Variants in SCN9A observed in about 807,000 individuals in gnomAD.
The protein encoded by SCN9A is sodium channel protein type 9 subunit alpha.
Under a neutral mutation model 187.0 loss-of-function variants are expected in SCN9A, and 131 were observed. The observed-to-expected ratio is 0.70, with a 90% CI of 0.61 to 0.81. The LOEUF (loss-of-function observed/expected upper bound fraction) is 0.81, where lower values mean the gene tolerates loss of function less well. Among genes scored for constraint, SCN9A ranks in the 30% least tolerant of loss-of-function variants. The pLI is 0.00. For synonymous variants in SCN9A, 809 were observed against 808.6 expected (o/e 1.00, Z -0.01); for missense variants, 2,252 against 2,396.6 (o/e 0.94, Z 1.26).
At chr2:166,222,446 G>A (rs1694628613) in intron 24 of SCN9A, among the ~76,000 whole-genome samples, 1 of 151,916 alleles carries the variant, frequency 6.6e-6, no homozygotes, top group African/African-American at 2.4e-5. Flanking sequence ...TGGCCAAAAT[G>A]GTGAAACTCC....
At chr2:166,285,996 A>T (rs1369018452) in intron 11 of SCN9A, among the ~76,000 whole-genome samples, 1 of 152,200 alleles carries the variant, frequency 6.6e-6, no homozygotes, top group African/African-American at 2.4e-5. Context: ...CCAATGAAGC[A>T]TTACAAAACA....
intron 24 of SCN9A, among the ~76,000 whole-genome samples, chr2:166,206,049 C>CTT (rs1178835441): frequency 6.6e-6 from 1 of 152,130 alleles, no homozygotes. Context: ...AATAGCAACG[C>CTT]TTTTACACTG....
rs747729984 is a variant in SCN9A, at chr2:166,233,474, AC to A, written c.3802-13del. The A allele has an allele frequency of 1.3e-4, 206 of 1,554,526 alleles. No individual in the cohort carries two copies. The highest frequency in any genetic ancestry group is 1.7e-4 in the Non-Finnish European group (195 of 1,159,550). On this transcript the variant is annotated splice_polypyrimidine_tract_variant and intron_variant, in intron 20 of 26. Coordinates refer to ENST00000642356, the MANE Select transcript of SCN9A (RefSeq NM_001365536.1). ...GTAACCAAAGAAACCTATAAAAATAACATTTTCATTAATTGTGTCAATAAAA... is the reference window on the plus strand; with the variant it reads ...GTAACCAAAGAAACCTATAAAAATAAATTTTCATTAATTGTGTCAATAAAA...
chr2:166,333,048 A>G (rs1040549473), intron 1 of SCN9A, among the ~76,000 whole-genome samples: 1 of 151,666 alleles, frequency 6.6e-6, no homozygotes, highest in Non-Finnish European at 1.5e-5. Flanking sequence ...AGTATAATAA[A>G]GTTATTAAAT....
intron 16 of SCN9A, 22 bp from the exon 17 acceptor site, chr2:166,272,897 G>A (rs751570350): frequency 2.6e-6 from 3 of 1,173,030 alleles, no homozygotes; most frequent in Middle Eastern, 2.1e-4. Flanking sequence ...TGGGGAGAGG[G>A]GGTAGAGAAA....
At position 166,247,691 on chromosome 2, in the gene SCN9A, A is replaced by G. The variant is rs1419867086; in HGVS notation, c.3472+4074T>C. On this transcript the variant is annotated intron_variant, in intron 18 of 26. Coordinates refer to ENST00000642356, the MANE Select transcript of SCN9A (RefSeq NM_001365536.1). ...ACCACCAGGCTCAGCTAATTTTTGT[A>G]TTTTTAGTAGAAACGGGATTTCACC... Among the ~76,000 whole-genome samples the G allele has an allele frequency of 2.0e-5, 3 of 151,998 alleles. No individual in the cohort carries two copies. The East Asian group carries it at 5.8e-4, about 29-fold the overall frequency.
At chr2:166,336,353 A>G (rs569424535) in intron 1 of SCN9A, among the ~76,000 whole-genome samples, 6 of 152,264 alleles carry the variant, frequency 3.9e-5, no homozygotes, top group African/African-American at 1.4e-4. Flanking sequence ...GTCTTGACAA[A>G]GCCAATAAAG....
At chr2:166,209,110 C>G (rs1693957717) in intron 24 of SCN9A, among the ~76,000 whole-genome samples, 1 of 152,164 alleles carries the variant, frequency 6.6e-6, no homozygotes, top group Non-Finnish European at 1.5e-5. Flanking sequence ...TTGAGAGACT[C>G]TCAGTATCTC....
intron 5 of SCN9A, 110 bp downstream of exon 5, chr2:166,305,682 C>T: frequency 1.4e-6 from 2 of 1,417,020 alleles, no homozygotes; most frequent in Non-Finnish European, 9.7e-7. Flanking sequence ...CCTTTAAATA[C>T]AGACATTCCA....
In SCN9A at chr2:166,284,370, C is replaced by T. The variant is rs1345037088; in HGVS notation, c.1974+83G>A. ...GCAAAATGCAGAGCCATTCACAAGA[C>T]CAGAGAAGGCCCTTCAGCAGAGAGA... On this transcript the variant is annotated intron_variant, in intron 12 of 26. Transcript: ENST00000642356. 5 of 1,490,130 alleles carry T rather than the reference C, an allele frequency of 3.4e-6. No individual in the cohort carries two copies. In the South Asian group the frequency reaches 4.8e-5, roughly 14 times the overall value. 92.3% of individuals were successfully genotyped at this position (1,490,130 alleles called of 1,614,324 possible). A position where few individuals can be genotyped will look rare whatever the true frequency, so the allele number is the denominator to read the frequency against.
chr2:166,333,146 T>C (rs1253433030), intron 1 of SCN9A, among the ~76,000 whole-genome samples: 2 of 152,038 alleles, frequency 1.3e-5, no homozygotes, highest in African/African-American at 4.8e-5. Context: ...CAGGTGGAGT[T>C]ACCAGAGTTA....
intron 1 of SCN9A, among the ~76,000 whole-genome samples, chr2:166,341,466 G>T (rs1353510588): frequency 6.6e-6 from 1 of 152,186 alleles, no homozygotes; most frequent in African/African-American, 2.4e-5. Flanking sequence ...TACCGTCTAA[G>T]AAAAGTTAAT....
At chr2:166,364,812 T>C (rs1358625067) in intron 1 of SCN9A, among the ~76,000 whole-genome samples, 1 of 152,208 alleles carries the variant, frequency 6.6e-6, no homozygotes, top group African/African-American at 2.4e-5. Flanking sequence ...TTTGAAATGG[T>C]TAAAATGGTA....
chr2:166,354,227 C>G (rs986311985), intron 1 of SCN9A, among the ~76,000 whole-genome samples: 1 of 152,144 alleles, frequency 6.6e-6, no homozygotes, highest in African/African-American at 2.4e-5. Flanking sequence ...CAATTTCCAT[C>G]CTTTTATGGA....
rs1199169340 is a variant in SCN9A, at chr2:166,310,936, C to T, written c.258+563G>A. Among the ~76,000 whole-genome samples, 11 of 87,568 alleles carry T rather than the reference C, an allele frequency of 1.3e-4. 1 individual carries two copies. In the East Asian group the frequency reaches 2.0e-3, roughly 16 times the overall value. The allele number at this position is 87,568 out of a possible 152,430, so 57.4% of individuals were successfully genotyped here. ...GCAGCCATAAAAAATGATGAGTTCACGTCCTTTGTAGGGACATGGATGCAA... is the reference window on the plus strand; with the variant it reads ...GCAGCCATAAAAAATGATGAGTTCATGTCCTTTGTAGGGACATGGATGCAA... On this transcript the variant is annotated intron_variant, in intron 2 of 26. Transcript: ENST00000642356.
intron 18 of SCN9A, among the ~76,000 whole-genome samples, chr2:166,245,711 C>A (rs140088803): frequency 6.6e-6 from 1 of 151,898 alleles, no homozygotes; most frequent in Non-Finnish European, 1.5e-5. Flanking sequence ...TAAGAATGGG[C>A]AGCACTTTTT....
At chr2:166,275,444 C>T (rs1697189889) in intron 16 of SCN9A, among the ~76,000 whole-genome samples, 1 of 151,634 alleles carries the variant, frequency 6.6e-6, no homozygotes, top group Non-Finnish European at 1.5e-5. Flanking sequence ...AATTAGCTGG[C>T]ACGGTAGCAT....
chr2:166,332,635 T>C (rs1159232323), intron 1 of SCN9A, among the ~76,000 whole-genome samples: 1 of 152,168 alleles, frequency 6.6e-6, no homozygotes, highest in Admixed American at 6.6e-5. Context: ...CTTCTTATAC[T>C]ATAAAATAGA....
Position 166,246,470 on chromosome 2 carries a change from T to C in SCN9A, c.3473-3814A>G, listed in dbSNP as rs780647245. Among the ~76,000 whole-genome samples, 8 of 152,034 alleles carry C rather than the reference T, an allele frequency of 5.3e-5. 1 individual carries two copies. The Middle Eastern group carries it at 0.021, about 401-fold the overall frequency. ...CATTTAGTTAAGAGAGAACATTCGA[T>C]AAAATGATATAAAAACAGAGTAAAA... is the stretch of plus-strand genomic sequence containing the variant. On this transcript the variant is annotated intron_variant, in intron 18 of 26. Transcript: ENST00000642356.
Sources: allele counts gnomAD v4.1 joint callset (sites outside exome capture counted in the v4.1 genomes callset), GRCh38; gene constraint gnomAD v4.1.1; transcripts MANE v1.5; gene names NCBI Gene and HGNC (gene_info 2026-07-23, HGNC 2026-07-21).